The following GLG1 variants were observed in gnomAD, a reference collection of about 807,000 sequenced individuals.
GLG1 encodes Golgi apparatus protein 1.
In GLG1, 38 loss-of-function variants were observed where a neutral mutation model predicts 160.5. The observed-to-expected ratio is 0.24, with a 90% CI of 0.18 to 0.31. The LOEUF is 0.31. Among genes scored for constraint, GLG1 ranks in the 10% least tolerant of loss-of-function variants. The probability of loss-of-function intolerance (pLI) is 1.00; values close to 1 mark genes in which losing one functional copy is unlikely to be tolerated. For missense variants in GLG1, 1,373 were observed against 1,505.2 expected (o/e 0.91, Z 1.45); for synonymous variants, 644 against 543.4 (o/e 1.19, Z -2.57).
rs572233570 is a variant in GLG1 at position 74,494,750 on chromosome 16, T to C, written c.1050+10A>G. The C allele has an allele frequency of 1.9e-4, 232 of 1,219,312 alleles. 3 individuals are homozygous for C. The South Asian group carries it at 2.2e-3, about 12-fold the overall frequency. 75.5% of individuals were successfully genotyped at this position (1,219,312 alleles called of 1,614,324 possible). On this transcript the variant is annotated intron_variant, in intron 6 of 25. Coordinates refer to ENST00000422840, the MANE Select transcript of GLG1 (RefSeq NM_001145667.2). ...AATAAAACATTCATTAGTTTCAAAA[T>C]AATACTTACCTTTTCACTCATGGAT...
Position 74,462,548 on chromosome 16 carries a change from C to T in GLG1, c.2874G>A (p.Lys958=), listed in dbSNP as rs973020736. The T allele has an allele frequency of 6.2e-7, 1 of 1,613,818 alleles. No homozygotes were observed. Residue 958 remains lysine, a synonymous_variant, in exon 21 of 26, where the codon AAG becomes AAA. Coordinates refer to ENST00000422840, the MANE Select transcript of GLG1 (RefSeq NM_001145667.2). ...KFCHGILTKA[K]DDSELEGQVI... ...CTTGTCCTTCTAATTCTGAATCATC[C>T]TTGGCCTTAGTCAGGATACCGTGAC...
At chr16:74,587,535 G>C (rs1801300303) in intron 1 of GLG1, among the ~76,000 whole-genome samples, 3 of 152,166 alleles carry the variant, frequency 2.0e-5, no homozygotes, top group Non-Finnish European at 2.9e-5. Context: ...AAAAGATCAA[G>C]AAATGACAGA....
chr16:74,508,697 C>T lies in GLG1; in HGVS notation c.558+142G>A, dbSNP rs1006018588. ...ATTAACAAAAAGAGTCTAATTACACCCCCCAACTTCCTAATTTTCAACCAA... is the reference window on the plus strand; with the variant it reads ...ATTAACAAAAAGAGTCTAATTACACTCCCCAACTTCCTAATTTTCAACCAA... On this transcript the variant is annotated intron_variant, in intron 3 of 25. Coordinates refer to ENST00000422840, the MANE Select transcript of GLG1 (RefSeq NM_001145667.2). The T allele has an allele frequency of 3.4e-5, 19 of 565,500 alleles. No homozygotes were observed. The East Asian group carries it at 5.3e-4, about 16-fold the overall frequency. The allele number at this position is 565,500 out of a possible 1,614,324, so 35.0% of individuals were successfully genotyped here.
At chr16:74,471,840 C>T (rs980175912) in intron 14 of GLG1, among the ~76,000 whole-genome samples, 2 of 152,176 alleles carry the variant, frequency 1.3e-5, no homozygotes, top group African/African-American at 4.8e-5. Flanking sequence ...GGCCACATAC[C>T]TGTTTTTACC....
intron 2 of GLG1, among the ~76,000 whole-genome samples, chr16:74,518,131 AAT>A (rs1462465535): frequency 6.6e-6 from 1 of 152,154 alleles, no homozygotes; most frequent in Non-Finnish European, 1.5e-5. Flanking sequence ...TACCCAAAGT[AAT>A]TTATAGAGTC....
chr16:74,464,555 G>C (rs2014929971), intron 19 of GLG1, among the ~76,000 whole-genome samples: 1 of 152,154 alleles, frequency 6.6e-6, no homozygotes, highest in Non-Finnish European at 1.5e-5. Context: ...TCTCTTCCTA[G>C]TTCTGTTTCT....
intron 19 of GLG1, 146 bp from the exon 20 acceptor site, chr16:74,463,625 GC>G: frequency 4.1e-6 from 3 of 736,674 alleles, no homozygotes; most frequent in Non-Finnish European, 6.8e-6. Context: ...TGCAACCTCC[GC>G]CTCCCGAGTT....
At chr16:74,578,846 G>A (rs997224545) in intron 1 of GLG1, among the ~76,000 whole-genome samples, 6 of 152,142 alleles carry the variant, frequency 3.9e-5, no homozygotes, top group Admixed American at 2.6e-4. Flanking sequence ...TTAGGATAAG[G>A]TTTTTGAAAT....
chr16:74,588,979 T>C (rs1430677909), intron 1 of GLG1, among the ~76,000 whole-genome samples: 1 of 151,714 alleles, frequency 6.6e-6, no homozygotes, highest in Non-Finnish European at 1.5e-5. Flanking sequence ...TGGTGGCTCA[T>C]GCTTGTAATG....
At chr16:74,562,044 G>A (rs946460066) in intron 1 of GLG1, among the ~76,000 whole-genome samples, 4 of 152,202 alleles carry the variant, frequency 2.6e-5, no homozygotes, top group Non-Finnish European at 5.9e-5. Flanking sequence ...TTTTCAACAC[G>A]TTTTCTGGTA....
At chr16:74,598,394 G>A (rs566516370) in intron 1 of GLG1, among the ~76,000 whole-genome samples, 13 of 151,198 alleles carry the variant, frequency 8.6e-5, no homozygotes, top group East Asian at 5.9e-4. Flanking sequence ...GGTGGCGGGC[G>A]CCTGTAGTCC....
intron 2 of GLG1, among the ~76,000 whole-genome samples, chr16:74,525,476 T>A (rs1017335387): frequency 6.6e-6 from 1 of 151,936 alleles, no homozygotes; most frequent in African/African-American, 2.4e-5. Flanking sequence ...TTCTTCTTTG[T>A]AGAGATAGGG....
chr16:74,590,279 G>A (rs1028297293), intron 1 of GLG1, among the ~76,000 whole-genome samples: 3 of 151,922 alleles, frequency 2.0e-5, no homozygotes, highest in Non-Finnish European at 4.4e-5. Flanking sequence ...GATTACAAGC[G>A]TGAGCCACCG....
At chr16:74,501,269 A>G (rs577661504) in intron 4 of GLG1, among the ~76,000 whole-genome samples, 1 of 152,190 alleles carries the variant, frequency 6.6e-6, no homozygotes, top group African/African-American at 2.4e-5. Context: ...GTGTTTTTTC[A>G]GAAGTTCATG....
chr16:74,493,153 T>G lies in GLG1; in HGVS notation c.1051-13A>C. 1.3e-6 allele frequency: 2 copies of G among 1,592,786 alleles called. No individual in the cohort carries two copies. The highest frequency in any genetic ancestry group is 1.7e-6 in the Non-Finnish European group (2 of 1,165,864). ...GTGCTTCTCGACACTGAGGAAAGAG[T>G]ACAGCAACAGCCGTGAGACCACTCA... On this transcript the variant is annotated splice_polypyrimidine_tract_variant and intron_variant, in intron 6 of 25. Transcript: ENST00000422840.
chr16:74,573,182 T>C (rs192448384), intron 1 of GLG1, among the ~76,000 whole-genome samples: 10 of 152,120 alleles, frequency 6.6e-5, no homozygotes, highest in Admixed American at 1.3e-4. Context: ...AAGAATAGGG[T>C]AGAATGAAGA....
rs540650513 is a variant in GLG1 at position 74,544,304 on chromosome 16, CAT to C, written c.439-12153_439-12152del. Among the ~76,000 whole-genome samples, 466 of 152,308 alleles carry C rather than the reference CAT, an allele frequency of 3.1e-3. 4 individuals are homozygous for C. The highest frequency in any genetic ancestry group is 0.011 in the African/African-American group (458 of 41,582). On this transcript the variant is annotated intron_variant, in intron 1 of 25. Transcript: ENST00000422840. ...GCAAGATCTTGGAAAAATTATTTAA[CAT>C]GTTTTTGTTTTGTTTTGTTGTTTTG...
intron 7 of GLG1, among the ~76,000 whole-genome samples, chr16:74,491,766 G>A (rs7187596): frequency 2.6e-4 from 39 of 149,676 alleles, no homozygotes; most frequent in Admixed American, 2.4e-3. Context: ...GCCTCTCCAA[G>A]TAGCTGGGAC....
In GLG1 at chr16:74,503,707, T is replaced by A. The variant is rs751161671; in HGVS notation, c.598A>T (p.Met200Leu). Residue 200 changes from methionine to leucine, a missense_variant, in exon 4 of 26, where the codon ATG (methionine) becomes TTG (leucine). By Grantham distance (15) the Met-to-Leu change is conservative. Coordinates refer to ENST00000422840, the MANE Select transcript of GLG1 (RefSeq NM_001145667.2). ...CGGTGATCCACCAAGCAGGAAACCA[T>A]GTAACCTTTTCCAACCGGTTCATCA... ...CADEPVGKGYMVSCLVDHRGN... is the reference protein window; with the variant it reads ...CADEPVGKGYLVSCLVDHRGN... 6.2e-7 allele frequency: 1 copy of A among 1,613,244 alleles called. No individual in the cohort carries two copies. Among genetic ancestry groups the A allele is most frequent in the African/African-American group, 1.3e-5 (1 of 74,894 alleles).
Sources: allele counts gnomAD v4.1 joint callset (sites outside exome capture counted in the v4.1 genomes callset), GRCh38; gene constraint gnomAD v4.1.1; transcripts MANE v1.5; gene names NCBI Gene and HGNC (gene_info 2026-07-23, HGNC 2026-07-21).